LRCH1: variants seen among roughly 807,000 people sequenced by gnomAD.
LRCH1 encodes leucine rich repeats and calponin homology domain containing 1.
LRCH1 carries 23 observed loss-of-function variants against 94.9 expected under a neutral mutation model. The ratio of observed to expected loss-of-function variants is 0.24; its 90% confidence interval spans 0.17 to 0.34. The LOEUF is 0.34. Among genes scored for constraint, LRCH1 ranks in the 10% least tolerant of loss-of-function variants. LRCH1 has a pLI of 1.00. For synonymous variants in LRCH1, 364 were observed against 354.9 expected, an observed-to-expected ratio of 1.03 and a Z score of -0.29; for missense variants, 790 against 945.9, an observed-to-expected ratio of 0.84 and a Z score of 2.16.
At chr13:46,750,562 A>G (rs1473793937) in exon 19 of LRCH1, 1 of 1,551,678 alleles carries the variant, frequency 6.4e-7, no homozygotes, top group Non-Finnish European at 8.7e-7. Flanking sequence ...CTCCCCCACC[A>G]CATCCTTGAA....
chr13:46,689,747 A>G (rs1327589974), intron 7 of LRCH1, among the ~76,000 whole-genome samples: 1 of 151,990 alleles, frequency 6.6e-6, no homozygotes, highest in Non-Finnish European at 1.5e-5. Flanking sequence ...AATTGGATAC[A>G]AGTTTGGTTA....
intron 1 of LRCH1, among the ~76,000 whole-genome samples, chr13:46,564,984 T>G (rs1250547514): frequency 6.6e-6 from 1 of 152,206 alleles, no homozygotes; most frequent in Non-Finnish European, 1.5e-5. Context: ...ATCATTAGCA[T>G]AGAGGCTAAA....
At chr13:46,699,186 T>A in intron 9 of LRCH1, 150 bp from the exon 10 acceptor site, 2 of 628,716 alleles carry the variant, frequency 3.2e-6, no homozygotes, top group Non-Finnish European at 5.7e-6. Flanking sequence ...CCAGATTTGT[T>A]TATCTGTCCC....
rs966895620 is a variant in LRCH1 at position 46,744,175 on chromosome 13, G to C, written c.*2327G>C. 5.1e-6 allele frequency: 5 copies of C among 985,276 alleles called. No homozygotes were observed. In the African/African-American group the frequency reaches 8.7e-5, roughly 17 times the overall value. The allele number at this position is 985,276 out of a possible 1,614,324, so 61.0% of individuals were successfully genotyped here. A position where few individuals can be genotyped will look rare whatever the true frequency, so the allele number is the denominator to read the frequency against. On this transcript the variant is annotated 3_prime_UTR_variant, in exon 20 of 20. Transcript: ENST00000389797. ...ATATGCTAACTGGATGCCTGCGGAT[G>C]CCTGCCCTTGCAGCTTGACTGGGGA...
At position 46,556,302 on chromosome 13, in the gene LRCH1, A is replaced by G. The variant is rs114505020; in HGVS notation, c.307+2599A>G. On this transcript the variant is annotated intron_variant, in intron 1 of 19. Transcript: ENST00000389797. ...ATAGCCCATCTGAACAGAGTGGAAA[A>G]CCAAGATGTAAACAAAGAAACATAG... Among the ~76,000 whole-genome samples, 221 of 152,340 alleles carry G rather than the reference A, an allele frequency of 1.5e-3. 2 individuals carry two copies. The highest frequency in any genetic ancestry group is 5.2e-3 in the African/African-American group (215 of 41,580).
Position 46,742,182 on chromosome 13 carries a change from GGAGAATTCCAGGACAA to G in LRCH1, c.*338_*353del. Reference sequence around the variant, plus strand: ...GAGCTGCTGCCCTGGGCAGAGGGGAGGAGAATTCCAGGACAAGAGTGTCAAGGACAGGGATTTAGCA... The same window carrying G: ...GAGCTGCTGCCCTGGGCAGAGGGGAGGAGTGTCAAGGACAGGGATTTAGCA... On this transcript the variant is annotated 3_prime_UTR_variant, in exon 20 of 20. Transcript: ENST00000389797. The G allele has an allele frequency of 2.6e-6, 3 of 1,155,784 alleles. No homozygotes were observed. The highest frequency in any genetic ancestry group is 3.2e-6 in the Non-Finnish European group (3 of 933,984). 71.6% of individuals were successfully genotyped at this position (1,155,784 alleles called of 1,614,324 possible).
chr13:46,746,229 T>C (rs1303576745), downstream of LRCH1, among the ~76,000 whole-genome samples: 27 of 152,192 alleles, frequency 1.8e-4, no homozygotes, highest in Admixed American at 1.4e-3. Context: ...GAAATGGAGA[T>C]ATTAATGTCT....
At chr13:46,649,985 G>A (rs1011234873) in intron 1 of LRCH1, among the ~76,000 whole-genome samples, 1 of 152,062 alleles carries the variant, frequency 6.6e-6, no homozygotes, top group African/African-American at 2.4e-5. Context: ...AGTTTTAGTG[G>A]TATTTTTGCT....
intron 1 of LRCH1, among the ~76,000 whole-genome samples, chr13:46,637,685 G>T (rs1259509351): frequency 1.3e-5 from 2 of 150,674 alleles, no homozygotes. Flanking sequence ...CCTGTTTAAA[G>T]TTGCCACGCT....
intron 17 of LRCH1, among the ~76,000 whole-genome samples, chr13:46,723,719 G>C (rs1347644074): frequency 6.6e-6 from 1 of 151,986 alleles, no homozygotes; most frequent in Non-Finnish European, 1.5e-5. Context: ...AGGATCAGTT[G>C]AGCCCAGGAA....
chr13:46,616,750 G>T (rs2050814132), intron 1 of LRCH1, among the ~76,000 whole-genome samples: 1 of 152,234 alleles, frequency 6.6e-6, no homozygotes, highest in African/African-American at 2.4e-5. Flanking sequence ...CTTTGTGTGA[G>T]CAACATGGCT....
intron 1 of LRCH1, among the ~76,000 whole-genome samples, chr13:46,580,715 G>A (rs142691904): frequency 1.3e-5 from 2 of 152,310 alleles, no homozygotes; most frequent in East Asian, 3.9e-4. Context: ...GGAGAAATGT[G>A]TCACTTGCAA....
intron 1 of LRCH1, among the ~76,000 whole-genome samples, chr13:46,614,697 C>T (rs117431093): frequency 0.022 from 3,318 of 152,022 alleles, 46 homozygotes; most frequent in Non-Finnish European, 0.034. Flanking sequence ...TTTCAATTCC[C>T]TTATGTATTT....
exon 19 of LRCH1, chr13:46,752,725 T>C (rs949694430): frequency 2.6e-5 from 4 of 152,238 alleles, no homozygotes; most frequent in African/African-American, 9.6e-5. Context: ...GTATATATGG[T>C]AGCATGAAGC....
chr13:46,671,155 C>G (rs7325736), intron 3 of LRCH1, among the ~76,000 whole-genome samples: 14,736 of 152,270 alleles, frequency 0.097, 799 homozygotes, highest in Middle Eastern at 0.15. Context: ...ACACATCACT[C>G]TTTCGTCATG....
intron 2 of LRCH1, among the ~76,000 whole-genome samples, chr13:46,666,244 G>A (rs773804439): frequency 1.3e-5 from 2 of 152,310 alleles, no homozygotes; most frequent in Admixed American, 6.5e-5. Flanking sequence ...AAAAGCATCC[G>A]TTCCCCTCAA....
chr13:46,742,934 A>G lies in LRCH1; in HGVS notation c.*1086A>G. Reference sequence around the variant, plus strand: ...TAGCAAACTGCTTTAAGTCAGCTCAAAGGATTATATAGTAACTATATCTGC... The same window carrying G: ...TAGCAAACTGCTTTAAGTCAGCTCAGAGGATTATATAGTAACTATATCTGC... On this transcript the variant is annotated 3_prime_UTR_variant, in exon 20 of 20. Coordinates refer to ENST00000389797, the MANE Select transcript of LRCH1 (RefSeq NM_001164211.2). 1 of 985,428 alleles carries G rather than the reference A, an allele frequency of 1.0e-6. No homozygotes were observed. The highest frequency in any genetic ancestry group is 1.2e-6 in the Non-Finnish European group (1 of 829,906). 61.0% of individuals were successfully genotyped at this position (985,428 alleles called of 1,614,324 possible). A position where few individuals can be genotyped will look rare whatever the true frequency, so the allele number is the denominator to read the frequency against.
At chr13:46,750,959 A>C in exon 19 of LRCH1, 1 of 201,546 alleles carries the variant, frequency 5.0e-6, no homozygotes, top group Non-Finnish European at 1.0e-5. Flanking sequence ...CATTACCAAA[A>C]CGCCAAGCAC....
intron 2 of LRCH1, among the ~76,000 whole-genome samples, chr13:46,659,609 C>T (rs767851): frequency 0.69 from 104,910 of 152,030 alleles, 36,264 homozygotes; most frequent in Middle Eastern, 0.74. Context: ...AGCAGTGATA[C>T]TCAGTGGGGA....
Sources: allele counts gnomAD v4.1 joint callset (sites outside exome capture counted in the v4.1 genomes callset), GRCh38; gene constraint gnomAD v4.1.1; transcripts MANE v1.5; gene names NCBI Gene and HGNC (gene_info 2026-07-23, HGNC 2026-07-21).